TDRD12: variants seen among roughly 807,000 people sequenced by gnomAD.
The protein encoded by TDRD12 is putative ATP-dependent RNA helicase TDRD12.
TDRD12 carries 158 observed loss-of-function variants against 133.5 expected under a neutral mutation model. The observed-to-expected ratio is 1.18, with a 90% CI of 1.04 to 1.35. The LOEUF is 1.35. Ranked by LOEUF, TDRD12 falls within the 40% of genes most tolerant of loss-of-function variation. The pLI, the probability that TDRD12 is intolerant of heterozygous loss-of-function variation, is 0.00. For synonymous variants in TDRD12, 460 were observed against 477.9 expected (o/e 0.96, Z 0.49); for missense variants, 1,443 against 1,321.3 (o/e 1.09, Z -1.43).
At chr19:32,778,758 C>T (rs1313704658) in intron 11 of TDRD12, among the ~76,000 whole-genome samples, 1 of 152,170 alleles carries the variant, frequency 6.6e-6, no homozygotes, top group Non-Finnish European at 1.5e-5. Context: ...CCTTGGCTTC[C>T]CAAAGTGCTA....
rs544361501 is a variant in TDRD12 at position 32,777,388 on chromosome 19, G to C, written c.1121+159G>C. Among the ~76,000 whole-genome samples, 3 of 152,150 alleles carry C rather than the reference G, an allele frequency of 2.0e-5. No individual in the cohort carries two copies. In the South Asian group the frequency reaches 6.2e-4, roughly 32 times the overall value. On this transcript the variant is annotated intron_variant, in intron 11 of 27. Coordinates refer to ENST00000444215, the Ensembl canonical transcript of TDRD12. ...CCTGTAGGGTTTGAGGTTAATTTTT[G>C]CTTTTCCATCCACTTGGGCACATTT...
Position 32,790,962 on chromosome 19 carries a change from A to G in TDRD12, c.1183-2A>G, listed in dbSNP as rs1971052630. ...GGTTGTCTAATGCACACGTTCTCTC[A>G]GTTGCAGAAGCTGAAGGGCCTGCAG... On this transcript the variant is annotated splice_acceptor_variant, in intron 12 of 27. Transcript: ENST00000444215. LOFTEE classifies it high-confidence loss of function. 1 of 1,535,344 alleles carries G rather than the reference A, an allele frequency of 6.5e-7. No individual in the cohort carries two copies. The highest frequency in any genetic ancestry group is 8.7e-7 in the Non-Finnish European group (1 of 1,146,766).
intron 8 of TDRD12, among the ~76,000 whole-genome samples, chr19:32,760,585 G>T (rs1970122554): frequency 6.6e-6 from 1 of 152,138 alleles, no homozygotes. Context: ...ACTTTTTAAA[G>T]TTGTTTATTT....
chr19:32,728,214 C>CT (rs1286366020), intron 1 of TDRD12, among the ~76,000 whole-genome samples: 5 of 151,996 alleles, frequency 3.3e-5, no homozygotes, highest in Non-Finnish European at 7.4e-5. Context: ...CAGCTTTGTT[C>CT]TTTTTTGATA....
intron 1 of TDRD12, 120 bp from the exon 2 acceptor site, chr19:32,731,605 A>G (rs905241983): frequency 1.1e-6 from 1 of 880,754 alleles, no homozygotes; most frequent in African/African-American, 1.7e-5. Context: ...AAGCAAAGGC[A>G]TTTGTCAAGA....
exon 15 of TDRD12, chr19:32,797,792 T>C: frequency 1.4e-6 from 1 of 702,206 alleles, no homozygotes; most frequent in East Asian, 2.7e-5. Context: ...TTTTGAATTA[T>C]TGGGAGAATA....
At chr19:32,728,899 G>A (rs772932213) in intron 1 of TDRD12, among the ~76,000 whole-genome samples, 50 of 149,736 alleles carry the variant, frequency 3.3e-4, no homozygotes, top group African/African-American at 5.4e-4. Flanking sequence ...CGCCCGTCTC[G>A]GCCTCCCAAA....
intron 4 of TDRD12, among the ~76,000 whole-genome samples, 172 bp from the exon 5 acceptor site, chr19:32,748,304 G>A (rs1969716022): frequency 6.6e-6 from 1 of 152,222 alleles, no homozygotes; most frequent in African/African-American, 2.4e-5. Context: ...CGTGTTGCAG[G>A]ATGCAGTGGG....
chr19:32,821,651 T>A (rs1791081821), downstream of TDRD12, among the ~76,000 whole-genome samples: 1 of 152,242 alleles, frequency 6.6e-6, no homozygotes, highest in Admixed American at 6.5e-5. Context: ...GTGTTGGGAT[T>A]ATAGGCGTGA....
intron 14 of TDRD12, chr19:32,796,285 C>T: frequency 2.7e-6 from 2 of 743,830 alleles, no homozygotes; most frequent in Non-Finnish European, 3.3e-6. Flanking sequence ...TTTATGATTT[C>T]CCTTTAGAAA....
At chr19:32,800,337 T>C in exon 17 of TDRD12, 1 of 1,520,808 alleles carries the variant, frequency 6.6e-7, no homozygotes, top group Non-Finnish European at 8.8e-7. Flanking sequence ...AAGAGGCTGC[T>C]CTCTATGGCA....
intron 3 of TDRD12, among the ~76,000 whole-genome samples, chr19:32,739,821 C>T (rs1044303067): frequency 2.2e-5 from 3 of 139,228 alleles, no homozygotes; most frequent in African/African-American, 5.5e-5. Flanking sequence ...TGGGTGCTCT[C>T]TGCATCTCCT....
intron 23 of TDRD12, 137 bp from the exon 24 acceptor site, chr19:32,811,073 A>T: frequency 1.5e-6 from 1 of 647,538 alleles, no homozygotes; most frequent in Non-Finnish European, 2.6e-6. Flanking sequence ...TGAAGGCCTT[A>T]GTTTTTTATT....
intron 2 of TDRD12, among the ~76,000 whole-genome samples, chr19:32,734,938 C>G (rs761854397): frequency 2.0e-5 from 3 of 152,042 alleles, no homozygotes; most frequent in Admixed American, 6.6e-5. Flanking sequence ...TTTGGGGTGC[C>G]ACGAATTGCA....
intron 8 of TDRD12, among the ~76,000 whole-genome samples, chr19:32,771,727 A>G (rs1047055960): frequency 6.6e-6 from 1 of 152,054 alleles, no homozygotes; most frequent in Admixed American, 6.6e-5. Context: ...TCCAGAGTTT[A>G]TCTTTTTGGC....
rs1475800500 is a variant in TDRD12 at position 32,752,872 on chromosome 19, A to G, written c.582+3003A>G. On this transcript the variant is annotated intron_variant, in intron 6 of 27. Coordinates refer to ENST00000444215, the Ensembl canonical transcript of TDRD12. ...CACTGGCGCGATCTCGGCTCACTGC[A>G]AGCTCCACCTCCTGGGTTCATGCCA... Among the ~76,000 whole-genome samples the G allele has an allele frequency of 7.6e-5, 11 of 145,238 alleles. No individual in the cohort carries two copies. The East Asian group carries it at 2.0e-3, about 27-fold the overall frequency.
intron 2 of TDRD12, among the ~76,000 whole-genome samples, chr19:32,732,392 A>G (rs1969085721): frequency 6.6e-6 from 1 of 151,926 alleles, no homozygotes; most frequent in African/African-American, 2.4e-5. Flanking sequence ...GCAAAAGTAG[A>G]CAGAATGTCA....
chr19:32,823,615 A>G (rs1039211417), downstream of TDRD12, among the ~76,000 whole-genome samples: 1 of 152,030 alleles, frequency 6.6e-6, no homozygotes, highest in African/African-American at 2.4e-5. Flanking sequence ...ATGCACATAC[A>G]CGTTCTCTTC....
exon 19 of TDRD12, chr19:32,801,776 A>G: frequency 7.0e-7 from 1 of 1,431,120 alleles, no homozygotes; most frequent in South Asian, 1.3e-5. Flanking sequence ...GCAGTTCAAT[A>G]TTTTGCTTGA....
Sources: allele counts gnomAD v4.1 joint callset (sites outside exome capture counted in the v4.1 genomes callset), GRCh38; gene constraint gnomAD v4.1.1; transcripts MANE v1.5; gene names NCBI Gene and HGNC (gene_info 2026-07-23, HGNC 2026-07-21).